The following MTHFD1L variants were observed in gnomAD, a reference collection of about 807,000 sequenced individuals.
MTHFD1L encodes methylenetetrahydrofolate dehydrogenase (NADP+ dependent) 1 like.
A neutral mutation model predicts 119.5 loss-of-function variants in MTHFD1L; 81 were observed. The observed-to-expected ratio is 0.68, with a 90% CI of 0.57 to 0.82. The LOEUF (loss-of-function observed/expected upper bound fraction) is 0.82. MTHFD1L is among the 40% of genes least tolerant of loss of function. MTHFD1L has a pLI of 0.00. For missense variants in MTHFD1L, 1,125 were observed against 1,253.4 expected (o/e 0.90, Z 1.55); for synonymous variants, 430 against 475.2 (o/e 0.90, Z 1.24).
Position 151,079,423 on chromosome 6 carries a change from G to A in MTHFD1L, c.2848-13044G>A, listed in dbSNP as rs997730948. Among the ~76,000 whole-genome samples, 87 of 152,026 alleles carry A rather than the reference G, an allele frequency of 5.7e-4. 1 individual carries two copies. The highest frequency in any genetic ancestry group is 1.9e-3 in the African/African-American group (80 of 41,362). ...GCCACTGGGGGCAGGGCAGTGGGGG[G>A]CAGGGAACAGGTTTTTCTGTTTGTT... On this transcript the variant is annotated intron_variant, in intron 26 of 27. Transcript: ENST00000367321.
intron 24 of MTHFD1L, among the ~76,000 whole-genome samples, chr6:151,019,442 T>C (rs963515928): frequency 1.4e-5 from 2 of 142,616 alleles, no homozygotes; most frequent in South Asian, 2.1e-4. Flanking sequence ...TCCACTGATA[T>C]TTCAATTTTT....
intron 21 of MTHFD1L, among the ~76,000 whole-genome samples, chr6:151,012,019 C>CAAAAAAAAAAAAAAAA (rs1043831602): frequency 8.5e-5 from 5 of 58,814 alleles, no homozygotes; most frequent in Non-Finnish European, 1.3e-4. Context: ...ACAACAACAA[C>CAAAAAAAAAAAAAAAA]AAAAAAAAAA....
intron 21 of MTHFD1L, among the ~76,000 whole-genome samples, chr6:151,010,190 C>G (rs929525645): frequency 6.6e-6 from 1 of 151,872 alleles, no homozygotes; most frequent in Non-Finnish European, 1.5e-5. Context: ...TTAGTAAGTT[C>G]GAGTAAACAG....
At chr6:150,962,527 G>A (rs964572071) in intron 18 of MTHFD1L, among the ~76,000 whole-genome samples, 12 of 152,198 alleles carry the variant, frequency 7.9e-5, no homozygotes, top group African/African-American at 2.7e-4. Flanking sequence ...TTTAGGAACT[G>A]CTGAAGGTTT....
At chr6:150,957,100 C>T (rs1169442294) in intron 17 of MTHFD1L, among the ~76,000 whole-genome samples, 2 of 152,228 alleles carry the variant, frequency 1.3e-5, no homozygotes, top group Non-Finnish European at 2.9e-5. Context: ...TTAGCCTCTC[C>T]TGCTAAAGTG....
chr6:151,017,051 A>C (rs954760631), intron 24 of MTHFD1L, among the ~76,000 whole-genome samples: 1 of 151,636 alleles, frequency 6.6e-6, no homozygotes, highest in African/African-American at 2.4e-5. Context: ...CTAGGGTTGC[A>C]GGCGTGAGCC....
At chr6:150,872,955 C>T (rs1372336374) in intron 1 of MTHFD1L, among the ~76,000 whole-genome samples, 1 of 151,998 alleles carries the variant, frequency 6.6e-6, no homozygotes, top group Non-Finnish European at 1.5e-5. Flanking sequence ...AGCCACTGCG[C>T]CCAGCCCCCA....
At chr6:151,038,706 C>T (rs565221111) in intron 26 of MTHFD1L, among the ~76,000 whole-genome samples, 37 of 152,044 alleles carry the variant, frequency 2.4e-4, no homozygotes, top group Non-Finnish European at 4.7e-4. Flanking sequence ...TAATTCAGCT[C>T]GGGCCAGAGG....
intron 26 of MTHFD1L, among the ~76,000 whole-genome samples, chr6:151,038,412 G>T (rs926285566): frequency 3.0e-4 from 45 of 152,088 alleles, no homozygotes; most frequent in African/African-American, 1.1e-3. Flanking sequence ...AGTTGGATGA[G>T]GGGGGGTGGC....
intron 26 of MTHFD1L, among the ~76,000 whole-genome samples, chr6:151,079,638 C>A (rs534181601): frequency 6.1e-4 from 92 of 151,858 alleles, no homozygotes; most frequent in African/African-American, 1.9e-3. Flanking sequence ...TACAGGCATG[C>A]ACCACCACGC....
intron 8 of MTHFD1L, among the ~76,000 whole-genome samples, chr6:150,908,319 C>T (rs1786281944): frequency 6.6e-6 from 1 of 151,818 alleles, no homozygotes; most frequent in Non-Finnish European, 1.5e-5. Context: ...GAATTTGTCT[C>T]CCACTTAAAG....
intron 8 of MTHFD1L, among the ~76,000 whole-genome samples, chr6:150,907,951 C>T (rs1786216573): frequency 1.3e-5 from 2 of 148,802 alleles, no homozygotes. Flanking sequence ...GGCTTTAGTG[C>T]AGTGGGTGTG....
intron 26 of MTHFD1L, among the ~76,000 whole-genome samples, chr6:151,075,658 G>T (rs891472382): frequency 2.0e-5 from 3 of 152,256 alleles, no homozygotes; most frequent in African/African-American, 7.2e-5. Context: ...AGCAGATTAC[G>T]CATTCTTTTC....
At chr6:150,896,974 G>A (rs1450652412) in intron 7 of MTHFD1L, among the ~76,000 whole-genome samples, 2 of 152,050 alleles carry the variant, frequency 1.3e-5, no homozygotes, top group South Asian at 4.2e-4. Context: ...AAAATTAGCA[G>A]GGTGTGGTGG....
intron 24 of MTHFD1L, chr6:151,016,768 C>CTTTTTTTTTTTTTTTTTTTTTTTTT (rs757274955): frequency 4.8e-6 from 1 of 209,758 alleles, no homozygotes; most frequent in Non-Finnish European, 8.7e-6. Context: ...CTATCTTAGC[C>CTTTTTTTTTTTTTTTTTTTTTTTTT]TTTTTTTTTT....
intron 24 of MTHFD1L, chr6:151,016,910 C>A (rs910813677): frequency 5.6e-6 from 1 of 178,364 alleles, no homozygotes; most frequent in African/African-American, 2.4e-5. Context: ...GTAGCTGGGA[C>A]TACAGGCGCA....
At chr6:150,937,051 C>G in intron 12 of MTHFD1L, 111 bp downstream of exon 12, 1 of 1,310,122 alleles carries the variant, frequency 7.6e-7, no homozygotes, top group African/African-American at 1.5e-5. Flanking sequence ...GGACTTGGTA[C>G]ATTTCTTCAC....
At chr6:150,980,487 T>C (rs1777294221) in intron 20 of MTHFD1L, among the ~76,000 whole-genome samples, 1 of 152,196 alleles carries the variant, frequency 6.6e-6, no homozygotes, top group Admixed American at 6.5e-5. Context: ...CAGGAAAGTA[T>C]GCAAAGTAAT....
At chr6:151,099,881 C>T in intron 27 of MTHFD1L, 1 of 1,522,754 alleles carries the variant, frequency 6.6e-7, no homozygotes, top group Non-Finnish European at 9.0e-7. Context: ...GCCCAACTGG[C>T]CATCACAGTC....
Sources: gnomAD v4.1 joint callset for allele counts (sites outside exome capture counted in the v4.1 genomes callset) on GRCh38, gnomAD v4.1.1 for gene constraint, MANE v1.5 for transcripts, NCBI Gene and HGNC (gene_info 2026-07-23, HGNC 2026-07-21) for gene names.